Variants in ABRA observed in about 807,000 individuals in gnomAD.
ABRA encodes the protein actin-binding Rho-activating protein.
A neutral mutation model predicts 33.4 loss-of-function variants in ABRA; 25 were observed. The ratio of observed to expected loss-of-function variants is 0.75; its 90% confidence interval spans 0.55 to 1.04. ABRA has a LOEUF of 1.04. ABRA is among the 50% of genes least tolerant of loss of function. The pLI is 0.00. For missense variants in ABRA, 501 were observed against 491.7 expected (o/e 1.02, Z -0.18); for synonymous variants, 193 against 176.8 (o/e 1.09, Z -0.73).
Position 106,770,088 on chromosome 8 carries a change from G to T in ABRA, c.103C>A (p.Gln35Lys). 1 of 1,613,920 alleles carries T rather than the reference G, an allele frequency of 6.2e-7. No individual in the cohort carries two copies. The highest frequency in any genetic ancestry group is 8.5e-7 in the Non-Finnish European group (1 of 1,179,856). The change falls in exon 1 of 2, where the codon CAG (glutamine) becomes AAG (lysine). Residue 35 changes from glutamine to lysine, a missense_variant. Gln to Lys is a moderately conservative substitution (Grantham distance 53). Transcript: ENST00000311955. ...LVISLARGWQQWANENSIRQA... is the reference protein window; with the variant it reads ...LVISLARGWQKWANENSIRQA... ...CTGATGCTGTTCTCATTCGCCCACT[G>T]CTGCCAACCTCGGGCCAAGCTGATG...
intron 1 of ABRA, among the ~76,000 whole-genome samples, chr8:106,763,289 C>G (rs1289281307): frequency 6.6e-6 from 1 of 152,198 alleles, no homozygotes; most frequent in African/African-American, 2.4e-5. Flanking sequence ...ACGTCCTACG[C>G]TTGCTATATC....
At chr8:106,765,028 A>T (rs1476833812) in intron 1 of ABRA, among the ~76,000 whole-genome samples, 1 of 152,180 alleles carries the variant, frequency 6.6e-6, no homozygotes, top group Admixed American at 6.5e-5. Context: ...GTTTTTAAAA[A>T]TTTCAGGGAA....
Position 106,770,235 on chromosome 8 carries a change from A to G in ABRA, c.-45T>C, listed in dbSNP as rs1375118823. The stretch of plus-strand genomic sequence containing the variant: ...CTGCTGATAGCCTGGACACTGGCTA[A>G]AATGAGTGTGGTCCAGTGGAGTGCC... On this transcript the variant is annotated 5_prime_UTR_variant, in exon 1 of 2. Coordinates refer to ENST00000311955, the MANE Select transcript of ABRA (RefSeq NM_139166.5). The G allele has an allele frequency of 6.4e-7, 1 of 1,561,632 alleles. No homozygotes were observed. Among genetic ancestry groups the G allele is most frequent in the African/African-American group, 1.4e-5 (1 of 74,018 alleles).
At chr8:106,762,777 A>T (rs1836156451) in intron 1 of ABRA, among the ~76,000 whole-genome samples, 1 of 152,196 alleles carries the variant, frequency 6.6e-6, no homozygotes, top group Non-Finnish European at 1.5e-5. Context: ...TTTCTATGCA[A>T]CAAACTTGCA....
At chr8:106,765,015 G>T (rs1431182429) in intron 1 of ABRA, among the ~76,000 whole-genome samples, 1 of 151,966 alleles carries the variant, frequency 6.6e-6, no homozygotes, top group East Asian at 1.9e-4. Flanking sequence ...ACCAGATTAT[G>T]CTGTTTTTAA....
Position 106,761,145 on chromosome 8 carries a change from T to C in ABRA, c.1038A>G (p.Lys346=). Residue 346 remains lysine, a synonymous_variant, in exon 2 of 2, where the codon AAA becomes AAG. Transcript: ENST00000311955. The part of the protein sequence containing the change: ...LFDRYVRISD[K]VVGILMRARK... ...TGGCACGCATGAGAATGCCCACTAC[T>C]TTATCTGAAATACGAACGTATCTGT... 6.2e-7 allele frequency: 1 copy of C among 1,614,222 alleles called. No homozygotes were observed. The highest frequency in any genetic ancestry group is 1.1e-5 in the South Asian group (1 of 91,090).
intron 1 of ABRA, among the ~76,000 whole-genome samples, chr8:106,768,351 T>C (rs948455101): frequency 6.6e-6 from 1 of 152,196 alleles, no homozygotes; most frequent in Admixed American, 6.5e-5. Context: ...TCTATATACA[T>C]GTTTCAGTTT....
At chr8:106,767,785 C>G (rs1373134518) in intron 1 of ABRA, among the ~76,000 whole-genome samples, 1 of 152,130 alleles carries the variant, frequency 6.6e-6, no homozygotes, top group Admixed American at 6.6e-5. Flanking sequence ...TTCAAAACAC[C>G]TTTACAGTCT....
rs769372342 is a variant in ABRA, at chr8:106,761,500, G to A, written c.683C>T (p.Thr228Ile). ...TTGGGCTTTGCAGTTGAGTTTCTCT[G>A]TAAATCTGTTTACCCTAAAGTAGAG... ...RPLPSQVNRF[T>I]EKLNCKAQQK... The change falls in exon 2 of 2, where the codon ACA becomes ATA. Residue 228 changes from threonine to isoleucine, a missense_variant. Physicochemically the swap from Thr to Ile is moderately conservative, Grantham distance 89. Coordinates refer to ENST00000311955, the MANE Select transcript of ABRA (RefSeq NM_139166.5). 1.4e-5 allele frequency: 22 copies of A among 1,613,104 alleles called. No homozygotes were observed. The South Asian group carries it at 2.2e-4, about 16-fold the overall frequency.
At chr8:106,767,368 C>A (rs1836237905) in intron 1 of ABRA, among the ~76,000 whole-genome samples, 1 of 152,162 alleles carries the variant, frequency 6.6e-6, no homozygotes, top group African/African-American at 2.4e-5. Flanking sequence ...CCATTTCTAG[C>A]ACACATGTCC....
At position 106,761,233 on chromosome 8, in the gene ABRA, A is replaced by T. The variant is rs1426216135; in HGVS notation, c.950T>A (p.Ile317Asn). ...TCGTCTGTGGCGAGCCATTGTGCAG[A>T]TAATGAAGCACATGTCCATCATTTC... ...YREMMDMCFI[I>N]CTMARHRRDG... Residue 317 changes from isoleucine to asparagine, a missense_variant, in exon 2 of 2, where the codon ATC becomes AAC. Coordinates refer to ENST00000311955, the MANE Select transcript of ABRA (RefSeq NM_139166.5). The T allele has an allele frequency of 1.2e-6, 2 of 1,614,252 alleles. No individual in the cohort carries two copies. Among genetic ancestry groups the T allele is most frequent in the Non-Finnish European group, 1.7e-6 (2 of 1,180,040 alleles).
rs199815182 is a variant in ABRA, at chr8:106,769,846, G to A, written c.345C>T (p.Ser115=). ...CGTCCCCTCCTCTCTCATAAGTCTT[G>A]CTGACCACCGTTTTGGACACCTCTT... is the stretch of plus-strand genomic sequence containing the variant. ...KKKEVSKTVV[S]KTYERGGDVS... Residue 115 remains serine, a synonymous_variant, in exon 1 of 2, where the codon AGC becomes AGT. Transcript: ENST00000311955. 1 of 1,614,152 alleles carries A rather than the reference G, an allele frequency of 6.2e-7. No individual in the cohort carries two copies. Among genetic ancestry groups the A allele is most frequent in the South Asian group, 1.1e-5 (1 of 91,080 alleles).
In ABRA at chr8:106,761,744, G is replaced by A. The variant is rs577666239; in HGVS notation, c.669-230C>T. ...CTAGATTGTTTTCTCTATGAATAAC[G>A]ATTTTAAGCATTATAATGATATTAA... On this transcript the variant is annotated intron_variant, in intron 1 of 1. Transcript: ENST00000311955. 2.1e-3 allele frequency among the ~76,000 whole-genome samples: 324 copies of A among 152,174 alleles called. 1 individual carries two copies. Among genetic ancestry groups the A allele is most frequent in the African/African-American group, 7.4e-3 (306 of 41,528 alleles).
intron 1 of ABRA, among the ~76,000 whole-genome samples, chr8:106,765,836 A>C (rs921582668): frequency 6.6e-6 from 1 of 152,150 alleles, no homozygotes; most frequent in African/African-American, 2.4e-5. Context: ...CATTTGCACC[A>C]AAACCCTGAA....
At chr8:106,765,736 A>G (rs1283081822) in intron 1 of ABRA, among the ~76,000 whole-genome samples, 1 of 152,120 alleles carries the variant, frequency 6.6e-6, no homozygotes, top group Non-Finnish European at 1.5e-5. Context: ...CTGTCTTCAG[A>G]GTCTATTGAA....
chr8:106,768,758 C>T (rs771472684), intron 1 of ABRA, among the ~76,000 whole-genome samples: 5 of 152,248 alleles, frequency 3.3e-5, no homozygotes, highest in South Asian at 2.1e-4. Context: ...CTCAGCCTCC[C>T]GGGTAGCTGG....
chr8:106,765,238 T>A (rs1385634916), intron 1 of ABRA, among the ~76,000 whole-genome samples: 3 of 152,180 alleles, frequency 2.0e-5, no homozygotes, highest in Non-Finnish European at 4.4e-5. Flanking sequence ...TAGCCAGGCC[T>A]GGTGGCACGT....
At chr8:106,767,032 A>G (rs567073660) in intron 1 of ABRA, among the ~76,000 whole-genome samples, 1 of 152,322 alleles carries the variant, frequency 6.6e-6, no homozygotes, top group South Asian at 2.1e-4. Flanking sequence ...CTTTTAGGTG[A>G]GACAGTTTAC....
chr8:106,769,884 G>C lies in ABRA; in HGVS notation c.307C>G (p.His103Asp). 1 of 1,614,100 alleles carries C rather than the reference G, an allele frequency of 6.2e-7. No individual in the cohort carries two copies. The highest frequency in any genetic ancestry group is 8.5e-7 in the Non-Finnish European group (1 of 1,180,022). Residue 103 changes from histidine to aspartate, a missense_variant, in exon 1 of 2, where the codon CAC becomes GAC. Transcript: ENST00000311955. Reference protein sequence around the residue: ...QSSEKAPEVSHIKKKEVSKTV... With the variant: ...QSSEKAPEVSDIKKKEVSKTV... ...TTGGACACCTCTTTCTTTTTGATGTGAGAAACCTCAGGGGCTTTCTCTGAG... is the reference window on the plus strand; with the variant it reads ...TTGGACACCTCTTTCTTTTTGATGTCAGAAACCTCAGGGGCTTTCTCTGAG...
Sources: gnomAD v4.1 joint callset for allele counts (sites outside exome capture counted in the v4.1 genomes callset) on GRCh38, gnomAD v4.1.1 for gene constraint, MANE v1.5 for transcripts, NCBI Gene and HGNC (gene_info 2026-07-23, HGNC 2026-07-21) for gene names.